Variants in ABTB2 observed in about 807,000 individuals in gnomAD.
ABTB2 encodes the protein ankyrin repeat and BTB domain containing 2.
In ABTB2, 56 loss-of-function variants were observed where a neutral mutation model predicts 104.1. The observed-to-expected ratio is 0.54, with a 90% CI of 0.43 to 0.67. ABTB2 has a LOEUF of 0.67. Ranked by LOEUF, ABTB2 falls within the 30% of genes least tolerant of loss-of-function variation. The pLI is 0.00. For missense variants in ABTB2, 1,279 were observed against 1,407.7 expected (o/e 0.91, Z 1.46); for synonymous variants, 606 against 608.2 (o/e 1.00, Z 0.05).
chr11:34,252,579 GGAGA>G lies in ABTB2; in HGVS notation c.884-47893_884-47890del, dbSNP rs1186592777. On this transcript the variant is annotated intron_variant, in intron 1 of 16. Transcript: ENST00000435224. This position sits in a 1 kb window ranked among gnomAD's most constrained non-coding sequence, Gnocchi z 5.5. ...ACCTGCCTGAAAGAGAGGAGAGCAGGGAGAGAGAATGGGGGGAAGGGTGGGGCCA... is the reference window on the plus strand; with the variant it reads ...ACCTGCCTGAAAGAGAGGAGAGCAGGGAGAATGGGGGGAAGGGTGGGGCCA... Among the ~76,000 whole-genome samples the G allele has an allele frequency of 1.3e-5, 2 of 152,152 alleles. No individual in the cohort carries two copies. The highest frequency in any genetic ancestry group is 4.8e-5 in the African/African-American group (2 of 41,430).
At chr11:34,337,641 C>G (rs1421628420) in intron 1 of ABTB2, among the ~76,000 whole-genome samples, 1 of 152,132 alleles carries the variant, frequency 6.6e-6, no homozygotes, top group African/African-American at 2.4e-5. Context: ...GCCTCAGTTT[C>G]CTCATTTGTA....
intron 3 of ABTB2, among the ~76,000 whole-genome samples, chr11:34,184,970 C>A (rs572643951): frequency 6.6e-6 from 1 of 152,356 alleles, no homozygotes; most frequent in East Asian, 1.9e-4. Flanking sequence ...CTGCCACCAC[C>A]CATTGGCCTC....
At chr11:34,327,842 T>C (rs552574336) in intron 1 of ABTB2, among the ~76,000 whole-genome samples, 2 of 152,262 alleles carry the variant, frequency 1.3e-5, no homozygotes, top group South Asian at 2.1e-4. Context: ...GCTATGACCT[T>C]GGCAGAATCT....
rs547678714 is a variant in ABTB2, at chr11:34,173,777, GACCCAGGTCCAA to G, written c.1245-482_1245-471del. The stretch of plus-strand genomic sequence containing the variant: ...AGGCTGCACAGCTAAGAGTCTCACA[GACCCAGGTCCAA>G]ACCCAGGGCTGCCACCAGCAGGGTC... On this transcript the variant is annotated intron_variant, in intron 3 of 16. Transcript: ENST00000435224. Among the ~76,000 whole-genome samples the G allele has an allele frequency of 4.4e-3, 669 of 152,256 alleles. 4 individuals are homozygous for G. The highest frequency in any genetic ancestry group is 0.015 in the African/African-American group (642 of 41,538).
At chr11:34,270,959 A>C (rs886643895) in intron 1 of ABTB2, among the ~76,000 whole-genome samples, 2 of 152,088 alleles carry the variant, frequency 1.3e-5, no homozygotes, top group South Asian at 4.1e-4. Context: ...TGTACTACAT[A>C]CCTAAAGTTG....
chr11:34,162,050 A>G (rs554486223), intron 10 of ABTB2, among the ~76,000 whole-genome samples: 1 of 152,216 alleles, frequency 6.6e-6, no homozygotes, highest in Admixed American at 6.5e-5. Flanking sequence ...AAGGATCATT[A>G]GCACCAAAGC....
intron 3 of ABTB2, among the ~76,000 whole-genome samples, chr11:34,183,856 G>A (rs1301016242): frequency 6.6e-6 from 1 of 152,038 alleles, no homozygotes; most frequent in East Asian, 1.9e-4. Context: ...CTGCTACCAT[G>A]GTTTCAGGGG....
chr11:34,220,496 C>T (rs1853607143), intron 1 of ABTB2, among the ~76,000 whole-genome samples: 1 of 152,188 alleles, frequency 6.6e-6, no homozygotes, highest in African/African-American at 2.4e-5. Flanking sequence ...TTCTTATTGC[C>T]TCAACTGTGA....
At chr11:34,168,597 A>G (rs996243042) in intron 5 of ABTB2, among the ~76,000 whole-genome samples, 1 of 152,224 alleles carries the variant, frequency 6.6e-6, no homozygotes, top group Non-Finnish European at 1.5e-5. Context: ...GCTGAGGAGC[A>G]GAGAAGGGGA....
At chr11:34,178,545 A>G (rs1214341166) in intron 3 of ABTB2, among the ~76,000 whole-genome samples, 1 of 152,224 alleles carries the variant, frequency 6.6e-6, no homozygotes, top group East Asian at 1.9e-4. Context: ...TGTGTGCACC[A>G]TCCTCAAGAT....
rs1171577510 is a variant in ABTB2, at chr11:34,297,766, CA to C, written c.883+58934del. 3.5e-3 allele frequency among the ~76,000 whole-genome samples: 57 copies of C among 16,062 alleles called. 1 individual carries two copies. Among genetic ancestry groups the C allele is most frequent in the Admixed American group, 6.8e-3 (10 of 1,464 alleles). The allele number at this position is 16,062 out of a possible 152,430, so 10.5% of individuals were successfully genotyped here. Reference sequence around the variant, plus strand: ...GGGCAACAAGAGTGAAACTCCATCTCAAAAAAAAAAAAAAAAAATAAAAATA... The same window carrying C: ...GGGCAACAAGAGTGAAACTCCATCTCAAAAAAAAAAAAAAAAATAAAAATA... On this transcript the variant is annotated intron_variant, in intron 1 of 16. Transcript: ENST00000435224.
chr11:34,212,044 A>C (rs983910942), intron 1 of ABTB2, among the ~76,000 whole-genome samples: 21 of 151,832 alleles, frequency 1.4e-4, no homozygotes, highest in African/African-American at 5.1e-4. Context: ...AGATAAGGGG[A>C]AGTTTGAGAA....
intron 1 of ABTB2, among the ~76,000 whole-genome samples, chr11:34,289,834 C>T (rs779291439): frequency 6.6e-6 from 1 of 152,164 alleles, no homozygotes; most frequent in Non-Finnish European, 1.5e-5. Flanking sequence ...TAAAAACACA[C>T]CCTCTAGGCA....
intron 1 of ABTB2, among the ~76,000 whole-genome samples, chr11:34,205,904 C>G (rs944588068): frequency 6.6e-6 from 1 of 152,144 alleles, no homozygotes; most frequent in African/African-American, 2.4e-5. Flanking sequence ...ACTAGAGTAC[C>G]TAGCTCACAG....
chr11:34,192,406 T>G (rs1853190594), intron 3 of ABTB2, among the ~76,000 whole-genome samples: 1 of 152,162 alleles, frequency 6.6e-6, no homozygotes, highest in African/African-American at 2.4e-5. Context: ...GCAAGGTAGA[T>G]CTCAAATGCA....
chr11:34,242,669 T>C (rs1417065360), intron 1 of ABTB2: 2 of 152,204 alleles, frequency 1.3e-5, no homozygotes, highest in East Asian at 1.9e-4. Flanking sequence ...AAGAGGATTG[T>C]GGGGAAAAGA....
intron 14 of ABTB2, among the ~76,000 whole-genome samples, chr11:34,158,844 G>C (rs966126214): frequency 6.6e-6 from 1 of 152,226 alleles, no homozygotes; most frequent in African/African-American, 2.4e-5. Flanking sequence ...GAGAAGTGAC[G>C]CAGCCTCCAC....
At chr11:34,300,112 T>C (rs986474664) in intron 1 of ABTB2, among the ~76,000 whole-genome samples, 1 of 152,176 alleles carries the variant, frequency 6.6e-6, no homozygotes, top group Non-Finnish European at 1.5e-5. Flanking sequence ...CTTAAGAATA[T>C]ATTGTTTTCT....
At chr11:34,308,650 A>C (rs1248272631) in intron 1 of ABTB2, among the ~76,000 whole-genome samples, 10 of 152,050 alleles carry the variant, frequency 6.6e-5, no homozygotes, top group Non-Finnish European at 1.5e-5. Context: ...CGGGTGGATC[A>C]CCTGAGGTCA....
Sources: allele counts gnomAD v4.1 joint callset (sites outside exome capture counted in the v4.1 genomes callset), GRCh38; gene constraint gnomAD v4.1.1; non-coding constraint Gnocchi (gnomAD v3.1); transcripts MANE v1.5; gene names NCBI Gene and HGNC (gene_info 2026-07-23, HGNC 2026-07-21).